Variants in BPTF observed in about 807,000 individuals in gnomAD.
BPTF encodes bromodomain PHD finger transcription factor.
BPTF carries 18 observed loss-of-function variants against 292.5 expected under a neutral mutation model. The observed-to-expected ratio is 0.06, with a 90% CI of 0.04 to 0.09. The LOEUF is 0.09. Among genes scored for constraint, BPTF ranks in the 10% least tolerant of loss-of-function variants. The pLI, the probability that BPTF is intolerant of heterozygous loss-of-function variation, is 1.00. For missense variants in BPTF, 2,726 were observed against 3,498.7 expected (o/e 0.78, Z 5.57); for synonymous variants, 1,225 against 1,251.9 (o/e 0.98, Z 0.45).
rs1337269212 is a variant in BPTF, at chr17:67,929,403, C to T, written c.6066C>T (p.Thr2022=). The change falls in exon 17 of 28, where the codon ACC becomes ACT. Residue 2022 remains threonine (T), a synonymous_variant. Transcript: ENST00000306378. ...CAAGTACAGGTACCAGTCAGCAAAC[C>T]TTTACTTCATTCCAGCCCAGGACAG... ...IPSSTGTSQQ[T]FTSFQPRTAT... 1.2e-6 allele frequency: 2 copies of T among 1,614,074 alleles called. No homozygotes were observed. Among genetic ancestry groups the T allele is most frequent in the Admixed American group, 3.3e-5 (2 of 59,990 alleles).
At chr17:67,978,403 A>G (rs2069838617) in intron 27 of BPTF, among the ~76,000 whole-genome samples, 1 of 150,064 alleles carries the variant, frequency 6.7e-6, no homozygotes, top group Admixed American at 6.6e-5. Context: ...GGTTCAAGCA[A>G]TTCTGCTGCC....
chr17:67,837,429 A>G (rs1311582546), intron 1 of BPTF, among the ~76,000 whole-genome samples: 2 of 149,744 alleles, frequency 1.3e-5, no homozygotes, highest in African/African-American at 2.5e-5. Flanking sequence ...TTTTTTTGAG[A>G]TGGAGTCTTG....
intron 24 of BPTF, 196 bp downstream of exon 24, chr17:67,960,071 G>A (rs929845413): frequency 4.0e-6 from 2 of 498,024 alleles, no homozygotes; most frequent in Non-Finnish European, 3.5e-6. Flanking sequence ...TCACGTGTTT[G>A]TGATTGTCCT....
chr17:67,923,056 CTT>C (rs1204420514), intron 14 of BPTF, 66 bp downstream of exon 14: 40,500 of 1,151,844 alleles, frequency 0.035, no homozygotes, highest in South Asian at 0.049. Flanking sequence ...CAATAAATTA[CTT>C]TTTTTTTTTT....
intron 9 of BPTF, among the ~76,000 whole-genome samples, chr17:67,909,054 C>T (rs1416184376): frequency 1.3e-5 from 2 of 151,402 alleles, no homozygotes; most frequent in Non-Finnish European, 3.0e-5. Flanking sequence ...AGGCTGGTCT[C>T]AAACTCCTGA....
intron 1 of BPTF, 30 bp downstream of exon 1, chr17:67,826,367 C>G: frequency 6.3e-7 from 1 of 1,582,564 alleles, no homozygotes; most frequent in Non-Finnish European, 8.6e-7. Context: ...GCTGCAGACT[C>G]CTTCCCCACC....
chr17:67,935,909 A>C (rs2064873055), intron 18 of BPTF, among the ~76,000 whole-genome samples: 1 of 152,236 alleles, frequency 6.6e-6, no homozygotes, highest in Admixed American at 6.5e-5. Context: ...CAGAAGTCTT[A>C]CTATACATAC....
At chr17:67,842,167 G>A (rs8068808) in intron 1 of BPTF, among the ~76,000 whole-genome samples, 15,314 of 151,788 alleles carry the variant, frequency 0.1, 2,633 homozygotes, top group African/African-American at 0.35. Context: ...ATATAGATAT[G>A]TATCTACATA....
At position 67,844,483 on chromosome 17, in the gene BPTF, G is replaced by A. The variant is rs139064570; in HGVS notation, c.614-9457G>A. Among the ~76,000 whole-genome samples the A allele has an allele frequency of 2.2e-3, 341 of 151,862 alleles. 1 individual carries two copies. Among genetic ancestry groups the A allele is most frequent in the African/African-American group, 7.6e-3 (315 of 41,432 alleles). On this transcript the variant is annotated intron_variant, in intron 1 of 27. Transcript: ENST00000306378. ...AGTATGGTCTCGATCTCCTGACCTCGTGATCCGCCCGCCTTGGCCTCCCAA... is the reference window on the plus strand; with the variant it reads ...AGTATGGTCTCGATCTCCTGACCTCATGATCCGCCCGCCTTGGCCTCCCAA...
intron 27 of BPTF, among the ~76,000 whole-genome samples, chr17:67,976,374 G>A (rs1222640626): frequency 6.6e-6 from 1 of 152,166 alleles, no homozygotes; most frequent in African/African-American, 2.4e-5. Context: ...TTGGGAGGCC[G>A]AGGCACAAGA....
intron 1 of BPTF, among the ~76,000 whole-genome samples, chr17:67,846,430 G>A (rs1390041209): frequency 1.3e-5 from 2 of 152,188 alleles, no homozygotes; most frequent in Admixed American, 6.5e-5. Flanking sequence ...AACTTTTTGT[G>A]ATGATGGAAA....
chr17:67,893,654 G>A lies in BPTF; in HGVS notation c.2340G>A (p.Leu780=). 6.2e-7 allele frequency: 1 copy of A among 1,612,272 alleles called. No homozygotes were observed. Among genetic ancestry groups the A allele is most frequent in the East Asian group, 2.2e-5 (1 of 44,872 alleles). The stretch of plus-strand genomic sequence containing the variant: ...CCAAAGTTCTTACCATATCTACTCT[G>A]AGACTGACTATCACCCAATTAGAAA... The part of the protein sequence containing the change: ...HGSKVLTIST[L]RLTITQLENN... Residue 780 remains leucine (L), a synonymous_variant, in exon 6 of 28, where the codon CTG becomes CTA. Transcript: ENST00000306378.
At chr17:67,918,051 G>A (rs536296225) in intron 11 of BPTF, among the ~76,000 whole-genome samples, 2 of 151,526 alleles carry the variant, frequency 1.3e-5, no homozygotes, top group African/African-American at 2.4e-5. Flanking sequence ...TGCCCACCTC[G>A]GCCTCCCAAA....
At chr17:67,890,545 C>G (rs1241910849) in intron 4 of BPTF, among the ~76,000 whole-genome samples, 3 of 152,242 alleles carry the variant, frequency 2.0e-5, no homozygotes, top group African/African-American at 7.2e-5. Context: ...GGGACAGTCA[C>G]TGTGGCCAGC....
At chr17:67,931,442 T>C (rs1041376174) in intron 17 of BPTF, among the ~76,000 whole-genome samples, 3 of 152,122 alleles carry the variant, frequency 2.0e-5, no homozygotes, top group African/African-American at 7.2e-5. Flanking sequence ...ATCACTGCAT[T>C]CCATCTTGGG....
intron 17 of BPTF, among the ~76,000 whole-genome samples, chr17:67,930,203 C>A (rs759152445): frequency 6.6e-6 from 1 of 151,768 alleles, no homozygotes; most frequent in South Asian, 2.1e-4. Context: ...TTAGATACAT[C>A]ATTTCTTTTT....
At position 67,872,154 on chromosome 17, in the gene BPTF, A is replaced by G. The variant is rs2059782392; in HGVS notation, c.1661-2663A>G. ...TTTTTGGTCTGTTTTTCTTATGGCT[A>G]TGATTGCCATAGTTTTTTGAACCTA... On this transcript the variant is annotated intron_variant, in intron 3 of 27. Transcript: ENST00000306378. 1.3e-5 allele frequency among the ~76,000 whole-genome samples: 2 copies of G among 152,162 alleles called. 1 individual carries two copies. Among genetic ancestry groups the G allele is most frequent in the South Asian group, 4.1e-4 (2 of 4,830 alleles).
chr17:67,903,775 GC>G lies in BPTF; in HGVS notation c.2544-13del. The stretch of plus-strand genomic sequence containing the variant: ...TTCCAAGTTAACATTGTCTTTCTAT[GC>G]ATGAATTCTTAGGTTACACCGGATG... On this transcript the variant is annotated splice_polypyrimidine_tract_variant and intron_variant, in intron 7 of 27. Coordinates refer to ENST00000306378, the MANE Select transcript of BPTF (RefSeq NM_182641.4). 2 of 1,520,732 alleles carry G rather than the reference GC, an allele frequency of 1.3e-6. No individual in the cohort carries two copies. The highest frequency in any genetic ancestry group is 4.8e-5 in the East Asian group (2 of 41,716). 94.2% of individuals were successfully genotyped at this position (1,520,732 alleles called of 1,614,324 possible).
At chr17:67,981,633 A>C in intron 27 of BPTF, 1 of 1,027,510 alleles carries the variant, frequency 9.7e-7, no homozygotes. Flanking sequence ...CAATGTATTT[A>C]AAAATTGTAA....
Sources: gnomAD v4.1 joint callset for allele counts (sites outside exome capture counted in the v4.1 genomes callset) on GRCh38, gnomAD v4.1.1 for gene constraint, MANE v1.5 for transcripts, NCBI Gene and HGNC (gene_info 2026-07-23, HGNC 2026-07-21) for gene names.